OVCH1: variants seen among roughly 807,000 people sequenced by gnomAD.
OVCH1 encodes ovochymase-1.
Under a neutral mutation model 138.4 loss-of-function variants are expected in OVCH1, and 139 were observed. That is an observed-to-expected ratio of 1.00 (90% CI 0.87 to 1.16). The LOEUF (loss-of-function observed/expected upper bound fraction) is 1.16. Ranked by LOEUF, OVCH1 falls within the 50% of genes most tolerant of loss-of-function variation. The pLI, the probability that OVCH1 is intolerant of heterozygous loss-of-function variation, is 0.00. For missense variants in OVCH1, 1,367 were observed against 1,357.9 expected (o/e 1.01, Z -0.11); for synonymous variants, 453 against 467.8 (o/e 0.97, Z 0.41).
At chr12:29,497,674 C>T (rs1387727875) in exon 1 of OVCH1, 2 of 1,614,004 alleles carry the variant, frequency 1.2e-6, no homozygotes, top group Middle Eastern at 1.6e-4. Flanking sequence ...CCAGCACTGG[C>T]CAGCAGGCCC....
chr12:29,413,989 C>A (rs542754956), intron 3 of OVCH1, among the ~76,000 whole-genome samples: 2 of 150,452 alleles, frequency 1.3e-5, no homozygotes, highest in Admixed American at 1.3e-4. Flanking sequence ...TGTTTTTTAA[C>A]CAGCAGCTGG....
At position 29,414,007 on chromosome 12, in the gene OVCH1, CCTCTCT is replaced by C. The variant is rs200379417; in HGVS notation, c.*72-1288_*72-1283del. On this transcript the variant is annotated intron_variant and NMD_transcript_variant, in intron 3 of 4. Transcript: ENST00000539117. ...TTTTTAACCAGCAGCTGGCTTTTCT[CCTCTCT>C]CTCTCTCTTTTTTTTTTTTTTTTTT... Among the ~76,000 whole-genome samples, 51 of 104,314 alleles carry C rather than the reference CCTCTCT, an allele frequency of 4.9e-4. No homozygotes were observed. The South Asian group carries it at 7.0e-3, about 14-fold the overall frequency. 68.4% of individuals were successfully genotyped at this position (104,314 alleles called of 152,430 possible).
intron 22 of OVCH1, among the ~76,000 whole-genome samples, chr12:29,450,581 G>A (rs1256263605): frequency 5.3e-5 from 8 of 152,144 alleles, no homozygotes; most frequent in Non-Finnish European, 1.0e-4. Context: ...GTGTAAATTC[G>A]TTCAACCATT....
At chr12:29,405,021 C>CAA in the OVCH1 span, among the ~76,000 whole-genome samples, 163 of 80,348 alleles carry the variant, frequency 2.0e-3, 8 homozygotes, top group African/African-American at 3.3e-3. Context: ...CACTCCACCT[C>CAA]AAAAAAAAAA....
intron 21 of OVCH1, among the ~76,000 whole-genome samples, chr12:29,453,905 T>A (rs1941868813): frequency 6.6e-6 from 1 of 152,156 alleles, no homozygotes; most frequent in African/African-American, 2.4e-5. Context: ...TACCCAGCAA[T>A]CCTACTATAT....
At chr12:29,448,508 G>A (rs1484497959) in intron 22 of OVCH1, among the ~76,000 whole-genome samples, 1 of 151,970 alleles carries the variant, frequency 6.6e-6, no homozygotes, top group Admixed American at 6.6e-5. Flanking sequence ...AAAGTGCTGG[G>A]AATAGACAAT....
chr12:29,451,377 T>A (rs371655457), exon 22 of OVCH1: 3 of 1,613,048 alleles, frequency 1.9e-6, no homozygotes, highest in Middle Eastern at 3.3e-4. Context: ...TCTTTCTTCA[T>A]AAATAATTAG....
At chr12:29,454,225 A>G (rs999193061) in intron 21 of OVCH1, among the ~76,000 whole-genome samples, 2 of 152,016 alleles carry the variant, frequency 1.3e-5, no homozygotes, top group African/African-American at 4.8e-5. Context: ...TTGCAATTCT[A>G]CCTTCTATAT....
At chr12:29,453,598 T>TA (rs1319386969) in intron 21 of OVCH1, among the ~76,000 whole-genome samples, 3 of 152,272 alleles carry the variant, frequency 2.0e-5, no homozygotes, top group East Asian at 3.9e-4. Context: ...CTTCCACCTT[T>TA]TGGGACTCAT....
At chr12:29,421,186 A>G (rs1474558417) in intron 3 of OVCH1, among the ~76,000 whole-genome samples, 1 of 152,270 alleles carries the variant, frequency 6.6e-6, no homozygotes, top group African/African-American at 2.4e-5. Context: ...TAGGCTCTCC[A>G]AGCATGGCTG....
intron 8 of OVCH1, among the ~76,000 whole-genome samples, chr12:29,485,317 T>TAA (rs869216306): frequency 0.014 from 1,283 of 89,776 alleles, 13 homozygotes; most frequent in Middle Eastern, 0.043. Flanking sequence ...ACCCAGTCTT[T>TAA]AAAAAAAAAA....
intron 4 of OVCH1, among the ~76,000 whole-genome samples, chr12:29,492,655 C>T (rs1256922747): frequency 6.6e-6 from 1 of 152,078 alleles, no homozygotes; most frequent in Non-Finnish European, 1.5e-5. Context: ...TTTTCTGACT[C>T]ATTGGATGTA....
chr12:29,431,296 G>A (rs1941263719), intron 27 of OVCH1, among the ~76,000 whole-genome samples: 2 of 151,972 alleles, frequency 1.3e-5, no homozygotes, highest in Non-Finnish European at 1.5e-5. Context: ...GTGCTAGCCA[G>A]GTATGGTGGT....
At chr12:29,454,513 G>A (rs912475325) in intron 21 of OVCH1, among the ~76,000 whole-genome samples, 3 of 152,004 alleles carry the variant, frequency 2.0e-5, no homozygotes, top group African/African-American at 7.2e-5. Flanking sequence ...TCATACCCAG[G>A]GTCTTTACCT....
At chr12:29,444,429 A>C (rs1159625272) in intron 23 of OVCH1, 149 bp from the exon 24 acceptor site, 1 of 820,784 alleles carries the variant, frequency 1.2e-6, no homozygotes, top group South Asian at 1.9e-5. Flanking sequence ...TTCACTGAAA[A>C]TTTTCTCCGT....
intron 3 of OVCH1, among the ~76,000 whole-genome samples, chr12:29,417,548 C>G (rs1176777164): frequency 6.6e-6 from 1 of 150,638 alleles, no homozygotes; most frequent in Non-Finnish European, 1.5e-5. Context: ...GTATCAATAT[C>G]CTATAAGATA....
At chr12:29,433,876 C>T in intron 26 of OVCH1, 1 of 1,237,492 alleles carries the variant, frequency 8.1e-7, no homozygotes, top group Non-Finnish European at 1.0e-6. Context: ...ATTAACATGT[C>T]CAAAAAAAAA....
At chr12:29,405,053 AAAACAAAAG>A in the OVCH1 span, among the ~76,000 whole-genome samples, 1 of 124,764 alleles carries the variant, frequency 8.0e-6, no homozygotes, top group Non-Finnish European at 1.8e-5. Flanking sequence ...AAAAAAAAAA[AAAACAAAAG>A]AAATGATCAT....
chr12:29,402,305 T>C, the OVCH1 span, among the ~76,000 whole-genome samples: 2 of 152,224 alleles, frequency 1.3e-5, no homozygotes, highest in African/African-American at 4.8e-5. Context: ...ATCTCATCTT[T>C]CATTTTTCCT....
Sources: gnomAD v4.1 joint callset for allele counts (sites outside exome capture counted in the v4.1 genomes callset) on GRCh38, gnomAD v4.1.1 for gene constraint, MANE v1.5 for transcripts, NCBI Gene and HGNC (gene_info 2026-07-23, HGNC 2026-07-21) for gene names.